Variants in KANSL2 observed in about 807,000 individuals in gnomAD.
KANSL2 encodes the protein NSL complex protein NSL2.
Under a neutral mutation model 55.6 loss-of-function variants are expected in KANSL2, and 34 were observed. The ratio of observed to expected loss-of-function variants is 0.61; its 90% CI spans 0.46 to 0.81. The LOEUF (loss-of-function observed/expected upper bound fraction) is 0.81, where lower values mean the gene tolerates loss of function less well. KANSL2 is among the 40% of genes least tolerant of loss of function. The pLI, the probability that KANSL2 is intolerant of heterozygous loss-of-function variation, is 0.00. For missense variants in KANSL2, 502 were observed against 609.9 expected (o/e 0.82, Z 1.86); for synonymous variants, 209 against 214.3 (o/e 0.98, Z 0.22).
chr12:48,674,241 A>G (rs1011354793), intron 4 of KANSL2, among the ~76,000 whole-genome samples: 60 of 152,180 alleles, frequency 3.9e-4, no homozygotes, highest in African/African-American at 1.4e-3. Flanking sequence ...CCCGGGTTCA[A>G]GCAATTCTCG....
At chr12:48,681,057 G>A (rs767628300) in intron 2 of KANSL2, among the ~76,000 whole-genome samples, 23 of 149,500 alleles carry the variant, frequency 1.5e-4, no homozygotes, top group African/African-American at 5.2e-4. Context: ...GAGATGGGAG[G>A]ATACCTTGAG....
In KANSL2 at chr12:48,681,602, T is replaced by A; in HGVS notation, c.31A>T (p.Thr11Ser). Residue 11 changes from threonine (T) to serine (S), a missense_variant, in exon 2 of 10, where the codon ACC (threonine) becomes TCC (serine). Physicochemically the swap from Thr to Ser is moderately conservative, Grantham distance 58. Transcript: ENST00000420613. MNRIRIHVLP[T>S]NRGRITPVPR... ...ACTGGAGTGATCCTCCCCCGATTGGTTGGCAAGACGTGAATCCGAATCCTG... is the reference window on the plus strand; with the variant it reads ...ACTGGAGTGATCCTCCCCCGATTGGATGGCAAGACGTGAATCCGAATCCTG... The A allele has an allele frequency of 6.2e-7, 1 of 1,613,932 alleles. No individual in the cohort carries two copies.
intron 7 of KANSL2, among the ~76,000 whole-genome samples, chr12:48,662,809 A>G (rs1939513486): frequency 6.6e-6 from 1 of 152,216 alleles, no homozygotes; most frequent in South Asian, 2.1e-4. Context: ...TGACTACAGT[A>G]TTATAATATC....
chr12:48,676,243 C>G (rs1367007657), intron 4 of KANSL2, among the ~76,000 whole-genome samples: 1 of 152,196 alleles, frequency 6.6e-6, no homozygotes, highest in Non-Finnish European at 1.5e-5. Flanking sequence ...GTTAAGACTA[C>G]AGACCACGTG....
At chr12:48,663,512 C>T (rs1449640465) in intron 7 of KANSL2, among the ~76,000 whole-genome samples, 3 of 152,144 alleles carry the variant, frequency 2.0e-5, no homozygotes, top group Admixed American at 6.5e-5. Context: ...TCTACTTACA[C>T]GTGCATTTTC....
intron 7 of KANSL2, among the ~76,000 whole-genome samples, chr12:48,666,394 T>TAAAA (rs71080135): frequency 7.6e-6 from 1 of 131,772 alleles, no homozygotes. Flanking sequence ...CTACAAAAAA[T>TAAAA]AAAAAAAAAA....
At chr12:48,676,839 C>G in intron 4 of KANSL2, among the ~76,000 whole-genome samples, 1 of 152,066 alleles carries the variant, frequency 6.6e-6, no homozygotes, top group East Asian at 1.9e-4. Flanking sequence ...CTAGCAACAT[C>G]ATAAACAATA....
At position 48,681,482 on chromosome 12, in the gene KANSL2, G is replaced by A. The variant is rs1330506402; in HGVS notation, c.151C>T (p.Leu51Phe). 6.2e-7 allele frequency: 1 copy of A among 1,613,956 alleles called. No homozygotes were observed. The highest frequency in any genetic ancestry group is 1.1e-5 in the South Asian group (1 of 91,080). ...EGQEFCIKHI[L>F]EDKNAPFKQC... Reference sequence around the variant, plus strand: ...TTGAAGGGTGCATTCTTGTCTTCAAGGATATGCTTAATGCAAAACTCCTGC... The same window carrying A: ...TTGAAGGGTGCATTCTTGTCTTCAAAGATATGCTTAATGCAAAACTCCTGC... The change falls in exon 2 of 10, where the codon CTT (leucine) becomes TTT (phenylalanine). Residue 51 changes from leucine to phenylalanine, a missense_variant. Transcript: ENST00000420613.
chr12:48,673,784 A>T lies in KANSL2; in HGVS notation c.546-1822T>A, dbSNP rs529681687. ...GCTGTAACATGATAAAACCCTGTCA[A>T]TACAAAAAATACAAAAGTTAGCTGG... On this transcript the variant is annotated intron_variant, in intron 4 of 9. Transcript: ENST00000420613. Among the ~76,000 whole-genome samples the T allele has an allele frequency of 7.0e-4, 107 of 151,784 alleles. No homozygotes were observed. The South Asian group carries it at 0.013, about 18-fold the overall frequency.
intron 7 of KANSL2, among the ~76,000 whole-genome samples, chr12:48,662,007 T>G (rs1385909781): frequency 6.6e-6 from 1 of 152,234 alleles, no homozygotes; most frequent in African/African-American, 2.4e-5. Flanking sequence ...CTAATGGGAA[T>G]CATCAGATTT....
At chr12:48,667,548 T>G in intron 7 of KANSL2, 145 bp downstream of exon 7, 1 of 766,462 alleles carries the variant, frequency 1.3e-6, no homozygotes, top group South Asian at 1.4e-5. Flanking sequence ...GGCTCCTGCT[T>G]GAAACCAACA....
intron 1 of KANSL2, 32 bp downstream of exon 1, chr12:48,682,155 A>G (rs1939942151): frequency 1.4e-6 from 1 of 701,924 alleles, no homozygotes; most frequent in African/African-American, 1.7e-5. Context: ...CCCAACCGCA[A>G]GAGCTTAGAG....
chr12:48,667,800 A>T lies in KANSL2; in HGVS notation c.877-11T>A. On this transcript the variant is annotated splice_polypyrimidine_tract_variant and intron_variant, in intron 6 of 9. Transcript: ENST00000420613. ...ACGAGTGGTATGGGCCTGAAATGGA[A>T]AAAGACAGATAAAATAGACCCACAA... The T allele has an allele frequency of 6.3e-7, 1 of 1,597,742 alleles. No individual in the cohort carries two copies. The highest frequency in any genetic ancestry group is 8.6e-7 in the Non-Finnish European group (1 of 1,165,274).
Position 48,654,977 on chromosome 12 carries a change from TAAATGATCTTCA to T in KANSL2, c.1299_1310del (p.Glu434_Leu437del). The T allele has an allele frequency of 6.3e-7, 1 of 1,579,496 alleles. No individual in the cohort carries two copies. The highest frequency in any genetic ancestry group is 8.6e-7 in the Non-Finnish European group (1 of 1,162,348). On this transcript the variant is annotated inframe_deletion, in exon 9 of 10. Transcript: ENST00000420613. The stretch of plus-strand genomic sequence containing the variant: ...CTGGGTCTTCAGCAATTTCTTTGAC[TAAATGATCTTCA>T]AGGGTTAGTGAAGGATCAAAAAGCA...
intron 4 of KANSL2, among the ~76,000 whole-genome samples, chr12:48,673,452 C>A (rs996186572): frequency 6.6e-6 from 1 of 151,320 alleles, no homozygotes; most frequent in Non-Finnish European, 1.5e-5. Context: ...CCCAGCTACT[C>A]GGGAGGCTGG....
chr12:48,658,150 G>A (rs1334222061), intron 8 of KANSL2, among the ~76,000 whole-genome samples: 1 of 152,044 alleles, frequency 6.6e-6, no homozygotes, highest in Non-Finnish European at 1.5e-5. Context: ...AGAATCGCTT[G>A]AACCCAGGAG....
At chr12:48,663,292 T>C (rs1939522103) in intron 7 of KANSL2, among the ~76,000 whole-genome samples, 1 of 152,226 alleles carries the variant, frequency 6.6e-6, no homozygotes, top group Non-Finnish European at 1.5e-5. Flanking sequence ...CTTTTATCTA[T>C]TTATATTCCC....
intron 8 of KANSL2, among the ~76,000 whole-genome samples, chr12:48,659,607 A>G (rs1939451742): frequency 6.6e-6 from 1 of 152,064 alleles, no homozygotes; most frequent in Non-Finnish European, 1.5e-5. Context: ...TGAGCAACAG[A>G]GCAAGACCCC....
chr12:48,669,899 TTA>T (rs1278209840), intron 5 of KANSL2, among the ~76,000 whole-genome samples: 2 of 152,138 alleles, frequency 1.3e-5, no homozygotes, highest in East Asian at 3.9e-4. Context: ...GCACTGCCAG[TTA>T]TATACAAGTC....
Sources: allele counts gnomAD v4.1 joint callset (sites outside exome capture counted in the v4.1 genomes callset), GRCh38; gene constraint gnomAD v4.1.1; transcripts MANE v1.5; gene names NCBI Gene and HGNC (gene_info 2026-07-23, HGNC 2026-07-21).